Variants in ESRRG observed in about 807,000 individuals in gnomAD.
The protein encoded by ESRRG is estrogen-related receptor gamma.
ESRRG carries 13 observed loss-of-function variants against 44.0 expected under a neutral mutation model. That is an observed-to-expected ratio of 0.30 (90% CI 0.19 to 0.47). ESRRG has a LOEUF of 0.47. Among genes scored for constraint, ESRRG ranks in the 20% least tolerant of loss-of-function variants. The pLI is 1.00. For missense variants in ESRRG, 395 were observed against 580.6 expected (o/e 0.68, Z 3.29); for synonymous variants, 215 against 214.6 (o/e 1.00, Z -0.02).
At chr1:216,760,985 C>T in intron 2 of ESRRG, among the ~76,000 whole-genome samples, 1 of 151,970 alleles carries the variant, frequency 6.6e-6, no homozygotes, top group Admixed American at 6.6e-5. Context: ...CTCGTTTGCT[C>T]AGTCTCCTTT....
chr1:216,633,050 CTTGAAGACT>C (rs537504620), intron 3 of ESRRG, among the ~76,000 whole-genome samples: 12 of 152,244 alleles, frequency 7.9e-5, no homozygotes, highest in Admixed American at 7.2e-4. Flanking sequence ...ATTCCAGAAT[CTTGAAGACT>C]TTCATTGTCT....
intron 2 of ESRRG, among the ~76,000 whole-genome samples, chr1:216,762,774 A>AT (rs920008635): frequency 4.6e-5 from 7 of 151,820 alleles, no homozygotes; most frequent in African/African-American, 7.3e-5. Flanking sequence ...GCTAGGGAGC[A>AT]TTTTTTTCTG....
chr1:217,093,794 A>C (rs199902175), upstream of ESRRG, among the ~76,000 whole-genome samples: 9 of 139,108 alleles, frequency 6.5e-5, no homozygotes, highest in African/African-American at 1.3e-4. Flanking sequence ...AAAAAAAAAA[A>C]CACACACACA....
chr1:216,661,757 A>G, intron 2 of ESRRG, among the ~76,000 whole-genome samples: 1 of 152,190 alleles, frequency 6.6e-6, no homozygotes, highest in Admixed American at 6.6e-5. Flanking sequence ...AAAAAATGGA[A>G]TTAGAGTTTG....
In ESRRG at chr1:216,991,612, GGGATA is replaced by G. The variant is rs1195994442; in HGVS notation, c.-105-51944_-105-51940del. Among the ~76,000 whole-genome samples, 192 of 85,844 alleles carry G rather than the reference GGGATA, an allele frequency of 2.2e-3. 5 individuals carry two copies. The highest frequency in any genetic ancestry group is 3.2e-3 in the South Asian group (9 of 2,830). 56.3% of individuals were successfully genotyped at this position (85,844 alleles called of 152,430 possible). A position where few individuals can be genotyped will look rare whatever the true frequency, so the allele number is the denominator to read the frequency against. ...GGGATGGGATAGCATGGGATGGGAT[GGGATA>G]GGATGGGATGGGATGGGATGGGATG... is the stretch of plus-strand genomic sequence containing the variant. On this transcript the variant is annotated intron_variant, in intron 1 of 7. Coordinates refer to the ESRRG transcript ENST00000359162.
At chr1:217,084,369 T>G (rs1580503177) in intron 1 of ESRRG, among the ~76,000 whole-genome samples, 1 of 152,328 alleles carries the variant, frequency 6.6e-6, no homozygotes, top group East Asian at 1.9e-4. Context: ...ATATGGAAAT[T>G]TGCTTACAAC....
intron 3 of ESRRG, among the ~76,000 whole-genome samples, chr1:216,611,861 G>A (rs2060722856): frequency 6.6e-6 from 1 of 152,142 alleles, no homozygotes; most frequent in African/African-American, 2.4e-5. Context: ...ATTTCTCCAG[G>A]CAAAGATGAG....
rs148434430 is a variant in ESRRG at position 216,657,512 on chromosome 1, G to A, written c.473-6423C>T. Among the ~76,000 whole-genome samples the A allele has an allele frequency of 1.7e-4, 26 of 152,180 alleles. 1 individual carries two copies. In the East Asian group the frequency reaches 3.9e-3, roughly 23 times the overall value. On this transcript the variant is annotated intron_variant, in intron 2 of 6. Coordinates refer to ENST00000408911, the MANE Select transcript of ESRRG (RefSeq NM_001438.4). ...CCCTTTGCATTTTGACATGAAGCCC[G>A]ATGATTTTTGTCCATTACTAAATTT...
At chr1:217,035,095 CTT>C (rs2082650475) in intron 1 of ESRRG, among the ~76,000 whole-genome samples, 1 of 152,076 alleles carries the variant, frequency 6.6e-6, no homozygotes, top group Non-Finnish European at 1.5e-5. Flanking sequence ...GCCAGATTTC[CTT>C]ACAGGACTTG....
chr1:216,893,311 A>G (rs116401698), intron 2 of ESRRG, among the ~76,000 whole-genome samples: 59 of 150,554 alleles, frequency 3.9e-4, no homozygotes, highest in Non-Finnish European at 8.2e-4. Context: ...CTTACAATTT[A>G]CTCAACATCT....
intron 2 of ESRRG, among the ~76,000 whole-genome samples, chr1:216,925,810 C>A (rs567553195): frequency 6.6e-6 from 1 of 151,986 alleles, no homozygotes; most frequent in East Asian, 2.0e-4. Context: ...AATTAGCAGG[C>A]GTGGTGGTGT....
At chr1:217,087,731 A>C (rs1375338067) in intron 1 of ESRRG, among the ~76,000 whole-genome samples, 2 of 152,224 alleles carry the variant, frequency 1.3e-5, no homozygotes, top group African/African-American at 2.4e-5. Flanking sequence ...CACACGTTTA[A>C]TTCTACTTAA....
intron 1 of ESRRG, among the ~76,000 whole-genome samples, chr1:216,984,167 A>C (rs1327803323): frequency 1.3e-5 from 2 of 152,156 alleles, no homozygotes; most frequent in Non-Finnish European, 2.9e-5. Context: ...AACAAAAGAA[A>C]CAAGAGCATC....
At chr1:216,580,449 C>G (rs538214784) in intron 3 of ESRRG, among the ~76,000 whole-genome samples, 2 of 152,226 alleles carry the variant, frequency 1.3e-5, no homozygotes, top group South Asian at 2.1e-4. Flanking sequence ...TTTAACTATT[C>G]ATCATAGATA....
At chr1:217,103,543 G>A (rs2092549949) in intron 1 of ESRRG, among the ~76,000 whole-genome samples, 1 of 151,724 alleles carries the variant, frequency 6.6e-6, no homozygotes, top group Admixed American at 6.6e-5. Flanking sequence ...TGTGGTCCCA[G>A]CTACTTGAGG....
At chr1:216,936,185 G>A (rs879148353) in intron 2 of ESRRG, among the ~76,000 whole-genome samples, 1 of 152,004 alleles carries the variant, frequency 6.6e-6, no homozygotes, top group Middle Eastern at 3.4e-3. Flanking sequence ...TGTTGTGGGG[G>A]CAACAAAGAA....
At chr1:216,549,495 T>C (rs1343752651) in intron 5 of ESRRG, among the ~76,000 whole-genome samples, 3 of 152,104 alleles carry the variant, frequency 2.0e-5, no homozygotes, top group African/African-American at 7.2e-5. Flanking sequence ...TCAGCAGATA[T>C]TGAGTTGCCA....
intron 1 of ESRRG, among the ~76,000 whole-genome samples, chr1:217,002,120 G>A (rs552169909): frequency 6.6e-5 from 10 of 151,830 alleles, no homozygotes; most frequent in South Asian, 2.1e-4. Flanking sequence ...TGGTCAACAC[G>A]GCGAAACCCC....
chr1:216,536,707 T>G (rs2051074039), intron 5 of ESRRG, among the ~76,000 whole-genome samples: 1 of 152,140 alleles, frequency 6.6e-6, no homozygotes, highest in Admixed American at 6.6e-5. Context: ...TTATTATTAC[T>G]ATTAAAATTT....
Sources: allele counts gnomAD v4.1 joint callset (sites outside exome capture counted in the v4.1 genomes callset), GRCh38; gene constraint gnomAD v4.1.1; transcripts MANE v1.5; gene names NCBI Gene and HGNC (gene_info 2026-07-23, HGNC 2026-07-21).